The following TRPC4AP variants were observed in gnomAD, a reference collection of about 807,000 sequenced individuals.
TRPC4AP encodes the protein transient receptor potential cation channel subfamily C member 4 associated protein.
A neutral mutation model predicts 99.0 loss-of-function variants in TRPC4AP; 45 were observed. That is an observed-to-expected ratio of 0.45 (90% CI 0.36 to 0.58). The LOEUF is 0.58. TRPC4AP is among the 20% of genes least tolerant of loss of function. TRPC4AP has a pLI of 0.00. For missense variants in TRPC4AP, 879 were observed against 985.3 expected, an observed-to-expected ratio of 0.89 and a Z score of 1.44; for synonymous variants, 408 against 385.8, an observed-to-expected ratio of 1.06 and a Z score of -0.67.
At chr20:35,051,754 G>T (rs527267288) in intron 5 of TRPC4AP, among the ~76,000 whole-genome samples, 1 of 152,132 alleles carries the variant, frequency 6.6e-6, no homozygotes, top group Admixed American at 6.5e-5. Context: ...AACAAAAAGA[G>T]AACTAAATTT....
intron 1 of TRPC4AP, among the ~76,000 whole-genome samples, chr20:35,084,836 A>G (rs1233884754): frequency 1.3e-5 from 2 of 151,726 alleles, no homozygotes; most frequent in Non-Finnish European, 2.9e-5. Flanking sequence ...TGTTTTTAAC[A>G]CTACAAAAAA....
At chr20:35,021,467 G>T in intron 8 of TRPC4AP, 111 bp from the exon 9 acceptor site, 1 of 1,269,514 alleles carries the variant, frequency 7.9e-7, no homozygotes, top group Non-Finnish European at 1.1e-6. Context: ...GCTGGGCCAT[G>T]AGCCCAAAAC....
chr20:35,025,517 G>A (rs985631410), intron 8 of TRPC4AP, among the ~76,000 whole-genome samples: 3 of 152,132 alleles, frequency 2.0e-5, no homozygotes, highest in Non-Finnish European at 4.4e-5. Flanking sequence ...TAATGATGGT[G>A]AACATTTTTC....
At chr20:35,071,240 C>T (rs750396266) in intron 2 of TRPC4AP, among the ~76,000 whole-genome samples, 8 of 152,070 alleles carry the variant, frequency 5.3e-5, no homozygotes, top group Non-Finnish European at 1.0e-4. Flanking sequence ...AGTTTCATTA[C>T]GTTCAATATA....
chr20:35,084,636 ATATG>A lies in TRPC4AP; in HGVS notation c.169-6466_169-6463del, dbSNP rs1276068838. On this transcript the variant is annotated intron_variant, in intron 1 of 18. Coordinates refer to ENST00000252015, the MANE Select transcript of TRPC4AP (RefSeq NM_015638.3). ...TATATGTTTATATGCATATATGTGT[ATATG>A]TATGTATGTTTATATGCATATATGT... Among the ~76,000 whole-genome samples, 119 of 114,146 alleles carry A rather than the reference ATATG, an allele frequency of 1.0e-3. 19 individuals are homozygous for A. Among genetic ancestry groups the A allele is most frequent in the South Asian group, 3.1e-3 (11 of 3,526 alleles). The allele number at this position is 114,146 out of a possible 152,430, so 74.9% of individuals were successfully genotyped here.
intron 5 of TRPC4AP, among the ~76,000 whole-genome samples, chr20:35,050,472 T>C (rs1389430288): frequency 1.3e-5 from 2 of 151,884 alleles, no homozygotes; most frequent in East Asian, 3.9e-4. Context: ...CCCAGCACTT[T>C]GGGAGGCCAA....
At position 35,021,365 on chromosome 20, in the gene TRPC4AP, G is replaced by GCCA; in HGVS notation, c.1052-12_1052-10dup. On this transcript the variant is annotated splice_polypyrimidine_tract_variant and intron_variant, in intron 8 of 18. Coordinates refer to ENST00000252015, the MANE Select transcript of TRPC4AP (RefSeq NM_015638.3). ...AGGGAACACAATGGAGGCTGACACA[G>GCCA]CCACCGGAGACAGGATTGAGTCACA... 3.1e-6 allele frequency: 5 copies of GCCA among 1,612,376 alleles called. No individual in the cohort carries two copies. The highest frequency in any genetic ancestry group is 4.2e-6 in the Non-Finnish European group (5 of 1,178,920).
intron 1 of TRPC4AP, among the ~76,000 whole-genome samples, chr20:35,080,760 A>G (rs909095273): frequency 6.6e-6 from 1 of 150,866 alleles, no homozygotes. Context: ...TGATAGATGC[A>G]TAACTTTGTG....
At chr20:35,019,357 G>C (rs934360597) in intron 9 of TRPC4AP, among the ~76,000 whole-genome samples, 2 of 152,170 alleles carry the variant, frequency 1.3e-5, no homozygotes, top group African/African-American at 4.8e-5. Flanking sequence ...TTTAACTCAA[G>C]ACCGCAACAA....
At chr20:35,040,885 C>CTAA (rs921974880) in intron 7 of TRPC4AP, among the ~76,000 whole-genome samples, 5 of 152,160 alleles carry the variant, frequency 3.3e-5, no homozygotes, top group African/African-American at 1.2e-4. Context: ...AGACTGCTGC[C>CTAA]TAATACAGGG....
At chr20:35,047,250 C>G (rs2083580800) in intron 6 of TRPC4AP, among the ~76,000 whole-genome samples, 1 of 152,160 alleles carries the variant, frequency 6.6e-6, no homozygotes, top group Non-Finnish European at 1.5e-5. Flanking sequence ...GTGTGCCTTT[C>G]CTATTGCATC....
At chr20:35,029,706 G>GT (rs1286468638) in intron 8 of TRPC4AP, among the ~76,000 whole-genome samples, 1 of 132,926 alleles carries the variant, frequency 7.5e-6, no homozygotes, top group East Asian at 2.3e-4. Context: ...CGCGATCTCG[G>GT]TTCACTGCAA....
intron 7 of TRPC4AP, among the ~76,000 whole-genome samples, chr20:35,036,873 G>C (rs1425455102): frequency 2.6e-5 from 4 of 152,008 alleles, no homozygotes; most frequent in African/African-American, 9.7e-5. Flanking sequence ...TTGAACCTGG[G>C]ATGCAGAGGT....
chr20:35,075,483 T>A (rs1224701780), intron 2 of TRPC4AP, among the ~76,000 whole-genome samples: 1 of 152,200 alleles, frequency 6.6e-6, no homozygotes, highest in Non-Finnish European at 1.5e-5. Flanking sequence ...CATTTGCTTG[T>A]CTGTAAAGGA....
chr20:35,035,444 A>G, intron 7 of TRPC4AP, 136 bp from the exon 8 acceptor site: 2 of 963,150 alleles, frequency 2.1e-6, no homozygotes. Context: ...TTTAAAATGA[A>G]TGTCAAACCA....
rs868639165 is a variant in TRPC4AP, at chr20:35,004,500, G to A, written c.2007C>T (p.Leu669=). 1 of 1,614,146 alleles carries A rather than the reference G, an allele frequency of 6.2e-7. No homozygotes were observed. The highest frequency in any genetic ancestry group is 8.5e-7 in the Non-Finnish European group (1 of 1,180,006). ...ISQVPTQMSF[L]FRLINIIHVQ... is the part of the protein sequence containing the mutation. ...CGTGGATGATGTTGATGAGGCGGAA[G>A]AGGAAGGACATCTGCGTGGGCACCT... The change falls in exon 17 of 19, where the codon CTC becomes CTT. Residue 669 remains leucine (L), a synonymous_variant. Coordinates refer to ENST00000252015, the MANE Select transcript of TRPC4AP (RefSeq NM_015638.3).
At chr20:35,073,939 A>G (rs1053088485) in intron 2 of TRPC4AP, among the ~76,000 whole-genome samples, 1 of 152,186 alleles carries the variant, frequency 6.6e-6, no homozygotes, top group East Asian at 1.9e-4. Flanking sequence ...TATTGCCTCA[A>G]CTTCAGAGCC....
intron 1 of TRPC4AP, among the ~76,000 whole-genome samples, chr20:35,088,310 A>G (rs2084943739): frequency 1.3e-5 from 2 of 152,250 alleles, no homozygotes; most frequent in African/African-American, 4.8e-5. Flanking sequence ...GACACATAGT[A>G]AGTAAATACC....
At chr20:35,020,050 C>T (rs906148861) in intron 9 of TRPC4AP, among the ~76,000 whole-genome samples, 1 of 152,178 alleles carries the variant, frequency 6.6e-6, no homozygotes, top group African/African-American at 2.4e-5. Flanking sequence ...GGGCGAAAAA[C>T]CTTGGGAGTC....
Sources: gnomAD v4.1 joint callset for allele counts (sites outside exome capture counted in the v4.1 genomes callset) on GRCh38, gnomAD v4.1.1 for gene constraint, MANE v1.5 for transcripts, NCBI Gene and HGNC (gene_info 2026-07-23, HGNC 2026-07-21) for gene names.